Variants in NPLOC4 observed in about 807,000 individuals in gnomAD.
The protein encoded by NPLOC4 is nuclear protein localization protein 4 homolog.
Under a neutral mutation model 80.6 loss-of-function variants are expected in NPLOC4, and 18 were observed. That is an observed-to-expected ratio of 0.22 (90% CI 0.15 to 0.33). The LOEUF is 0.33. NPLOC4 is among the 10% of genes least tolerant of loss of function. NPLOC4 has a pLI of 1.00. For missense variants in NPLOC4, 540 were observed against 786.1 expected (o/e 0.69, Z 3.74); for synonymous variants, 313 against 301.5 (o/e 1.04, Z -0.39).
intron 12 of NPLOC4, among the ~76,000 whole-genome samples, chr17:81,581,171 G>A (rs1458287680): frequency 7.2e-5 from 11 of 151,956 alleles, no homozygotes; most frequent in Non-Finnish European, 1.5e-4. Flanking sequence ...CCAACATGGC[G>A]AAACCCTGTC....
At chr17:81,625,455 T>G (rs1007545157) in intron 2 of NPLOC4, among the ~76,000 whole-genome samples, 2 of 152,112 alleles carry the variant, frequency 1.3e-5, no homozygotes, top group African/African-American at 4.8e-5. Context: ...AAAAGGAATG[T>G]GAATCTCGGT....
At chr17:81,570,214 G>A (rs996240062) in intron 13 of NPLOC4, among the ~76,000 whole-genome samples, 3 of 152,256 alleles carry the variant, frequency 2.0e-5, no homozygotes, top group Non-Finnish European at 1.5e-5. Context: ...TCGGGCCGCG[G>A]TGCCACGTGT....
chr17:81,565,443 C>A (rs1212908375), intron 16 of NPLOC4, 62 bp downstream of exon 16: 7 of 1,348,482 alleles, frequency 5.2e-6, no homozygotes, highest in Non-Finnish European at 6.2e-6. Flanking sequence ...GGGAGCTGTG[C>A]AGAGTGGGCT....
intron 4 of NPLOC4, 80 bp downstream of exon 4, chr17:81,613,238 A>T: frequency 7.9e-7 from 1 of 1,272,614 alleles, no homozygotes; most frequent in Non-Finnish European, 1.1e-6. Context: ...TATTAAAACA[A>T]GACATGTTAT....
chr17:81,582,568 ATTT>A (rs900986680), intron 12 of NPLOC4, among the ~76,000 whole-genome samples: 2 of 151,986 alleles, frequency 1.3e-5, no homozygotes, highest in Non-Finnish European at 1.5e-5. Context: ...CACCCGACTA[ATTT>A]TTTTTTGTTG....
At chr17:81,614,924 C>A (rs2035440051) in intron 3 of NPLOC4, among the ~76,000 whole-genome samples, 1 of 152,160 alleles carries the variant, frequency 6.6e-6, no homozygotes, top group African/African-American at 2.4e-5. Context: ...GCAGGATCCA[C>A]AGCTCTAAAC....
chr17:81,608,873 C>A, intron 5 of NPLOC4, 51 bp from the exon 6 acceptor site: 1 of 1,439,582 alleles, frequency 6.9e-7, no homozygotes, highest in East Asian at 2.5e-5. Context: ...CCGGTCACTC[C>A]AGGCGCTGAG....
chr17:81,619,234 G>A (rs577478417), intron 3 of NPLOC4, among the ~76,000 whole-genome samples: 13 of 151,732 alleles, frequency 8.6e-5, no homozygotes, highest in African/African-American at 1.9e-4. Context: ...AAAATTAGCC[G>A]GGCATGTTGG....
chr17:81,636,764 G>C (rs1192627167), intron 1 of NPLOC4, among the ~76,000 whole-genome samples, 152 bp downstream of exon 1: 1 of 152,344 alleles, frequency 6.6e-6, no homozygotes, highest in East Asian at 1.9e-4. Context: ...AAGTCCCCGA[G>C]AGGGGCCCAG....
intron 6 of NPLOC4, among the ~76,000 whole-genome samples, chr17:81,607,378 T>C (rs1002525100): frequency 2.6e-4 from 39 of 149,974 alleles, no homozygotes; most frequent in Admixed American, 1.2e-3. Context: ...TCCAGCTTTA[T>C]TGAAATATAA....
intron 1 of NPLOC4, among the ~76,000 whole-genome samples, chr17:81,635,711 G>A (rs59874864): frequency 0.047 from 7,209 of 151,912 alleles, 293 homozygotes; most frequent in East Asian, 0.22. Flanking sequence ...CGGGCCTGGA[G>A]ACCTATTCTA....
chr17:81,568,879 C>T (rs1438323386), intron 14 of NPLOC4, 137 bp downstream of exon 14: 3 of 643,466 alleles, frequency 4.7e-6, no homozygotes, highest in Admixed American at 2.7e-5. Flanking sequence ...CAGTGCCCCA[C>T]AGTAGGCCCT....
rs929006755 is a variant in NPLOC4 at position 81,559,125 on chromosome 17, G to A, written c.*134C>T. ...CTGAGAAGCTTCAGTGGGTCAGGGA[G>A]CCCAGGACAGCCAGCCCCTTGTTCC... On this transcript the variant is annotated 3_prime_UTR_variant, in exon 17 of 17. Transcript: ENST00000331134. 33 of 1,020,482 alleles carry A rather than the reference G, an allele frequency of 3.2e-5. No homozygotes were observed. Among genetic ancestry groups the A allele is most frequent in the South Asian group, 5.1e-5 (3 of 58,294 alleles). 63.2% of individuals were successfully genotyped at this position (1,020,482 alleles called of 1,614,324 possible).
intron 11 of NPLOC4, among the ~76,000 whole-genome samples, chr17:81,594,014 C>G (rs1346365132): frequency 6.6e-6 from 1 of 152,172 alleles, no homozygotes; most frequent in Non-Finnish European, 1.5e-5. Flanking sequence ...TGGCTCACGC[C>G]TGTAATCCCA....
chr17:81,569,322 C>T (rs987485147), intron 13 of NPLOC4, among the ~76,000 whole-genome samples: 2 of 152,242 alleles, frequency 1.3e-5, no homozygotes, highest in East Asian at 1.9e-4. Context: ...AGACAAACTA[C>T]ACCATATCCG....
chr17:81,622,157 G>C lies in NPLOC4; in HGVS notation c.209+9C>G. On this transcript the variant is annotated intron_variant, in intron 3 of 16. Coordinates refer to ENST00000331134, the MANE Select transcript of NPLOC4 (RefSeq NM_017921.4). ...CCCATTCCCTGCTTCCTCCTCAGAGGACACTTACTTGATTTTTAGCAAGTT... is the reference window on the plus strand; with the variant it reads ...CCCATTCCCTGCTTCCTCCTCAGAGCACACTTACTTGATTTTTAGCAAGTT... 1 of 1,592,404 alleles carries C rather than the reference G, an allele frequency of 6.3e-7. No homozygotes were observed. The highest frequency in any genetic ancestry group is 8.6e-7 in the Non-Finnish European group (1 of 1,160,566).
chr17:81,614,296 A>AAAAAAAAAGG (rs2035422282), intron 3 of NPLOC4: 1 of 150,676 alleles, frequency 6.6e-6, no homozygotes, highest in Non-Finnish European at 1.5e-5. Context: ...AAAAAAAAAA[A>AAAAAAAAAGG]GTGGGATTAC....
At chr17:81,574,015 A>C (rs2034227916) in intron 12 of NPLOC4, among the ~76,000 whole-genome samples, 1 of 152,236 alleles carries the variant, frequency 6.6e-6, no homozygotes, top group South Asian at 2.1e-4. Flanking sequence ...CACAGGGCCT[A>C]CTGCACGGGG....
chr17:81,631,423 T>TAC (rs2035922920), intron 1 of NPLOC4, among the ~76,000 whole-genome samples: 2 of 47,214 alleles, frequency 4.2e-5, no homozygotes, highest in African/African-American at 1.4e-4. Context: ...AAAGTGTACA[T>TAC]ATATATATAT....
Sources: allele counts gnomAD v4.1 joint callset (sites outside exome capture counted in the v4.1 genomes callset), GRCh38; gene constraint gnomAD v4.1.1; transcripts MANE v1.5; gene names NCBI Gene and HGNC (gene_info 2026-07-23, HGNC 2026-07-21).